ETV1: variants seen among roughly 807,000 people sequenced by gnomAD.
The protein encoded by ETV1 is ETS variant transcription factor 1, also known as ETS translocation variant 1.
ETV1 carries 27 observed loss-of-function variants against 62.3 expected under a neutral mutation model. The observed-to-expected ratio is 0.43, with a 90% CI of 0.32 to 0.60. The LOEUF is 0.60. ETV1 is among the 20% of genes least tolerant of loss of function. The pLI is 0.06. For synonymous variants in ETV1, 222 were observed against 199.6 expected, an observed-to-expected ratio of 1.11 and a Z score of -0.94; for missense variants, 605 against 605.8, an observed-to-expected ratio of 1.00 and a Z score of 0.01.
intron 6 of ETV1, among the ~76,000 whole-genome samples, chr7:13,943,791 T>C (rs114154583): frequency 0.01 from 1,583 of 152,336 alleles, 30 homozygotes; most frequent in African/African-American, 0.035. Flanking sequence ...GGTGGTTATA[T>C]GGATATATAC....
chr7:13,899,134 G>A (rs570887155), intron 13 of ETV1, among the ~76,000 whole-genome samples: 21 of 152,206 alleles, frequency 1.4e-4, no homozygotes, highest in African/African-American at 4.1e-4. Flanking sequence ...AATACTGCCC[G>A]GGGACACTGC....
chr7:13,919,037 G>T (rs62454579), intron 9 of ETV1, among the ~76,000 whole-genome samples: 8,169 of 152,104 alleles, frequency 0.054, 247 homozygotes, highest in South Asian at 0.11. Context: ...TAAAGGACTA[G>T]CAGTCTTTGA....
chr7:13,950,911 C>A (rs1156819877), intron 6 of ETV1, among the ~76,000 whole-genome samples: 1 of 137,054 alleles, frequency 7.3e-6, no homozygotes, highest in Non-Finnish European at 1.7e-5. Context: ...CACACACACA[C>A]ACACACACAC....
chr7:13,987,366 T>C (rs2128515215), intron 4 of ETV1, among the ~76,000 whole-genome samples: 1 of 152,248 alleles, frequency 6.6e-6, no homozygotes, highest in East Asian at 1.9e-4. Flanking sequence ...CAGAATTCAG[T>C]ATATCTAATT....
chr7:13,951,730 T>C (rs566608252), intron 6 of ETV1, among the ~76,000 whole-genome samples: 4 of 152,320 alleles, frequency 2.6e-5, no homozygotes, highest in South Asian at 4.1e-4. Flanking sequence ...AATATTGTAA[T>C]ATCAAAATTA....
intron 6 of ETV1, among the ~76,000 whole-genome samples, chr7:13,967,774 C>T (rs1393508837): frequency 6.6e-6 from 1 of 152,036 alleles, no homozygotes; most frequent in African/African-American, 2.4e-5. Flanking sequence ...TCCACATGTA[C>T]TAGTTTAGCT....
intron 9 of ETV1, among the ~76,000 whole-genome samples, chr7:13,924,250 G>A (rs910086914): frequency 7.2e-5 from 11 of 152,050 alleles, no homozygotes; most frequent in Admixed American, 1.3e-4. Flanking sequence ...AAGAAAGAGC[G>A]AGGTCCAATG....
At chr7:13,959,553 T>C (rs1789905727) in intron 6 of ETV1, among the ~76,000 whole-genome samples, 1 of 152,136 alleles carries the variant, frequency 6.6e-6, no homozygotes, top group African/African-American at 2.4e-5. Context: ...TCATATAATG[T>C]CTAAAATGGA....
chr7:13,959,866 G>C (rs2128481528), intron 6 of ETV1, among the ~76,000 whole-genome samples: 1 of 114,958 alleles, frequency 8.7e-6, no homozygotes, highest in South Asian at 3.1e-4. Flanking sequence ...CTGGGCAACA[G>C]AGTGAGATTC....
intron 5 of ETV1, among the ~76,000 whole-genome samples, chr7:13,983,042 A>C (rs2128508419): frequency 6.6e-6 from 1 of 151,972 alleles, no homozygotes; most frequent in South Asian, 2.1e-4. Context: ...AAAGGAAAAA[A>C]CCCTTATTCG....
In ETV1 at chr7:13,983,877, C is replaced by G. The variant is rs557925334; in HGVS notation, c.181+2761G>C. On this transcript the variant is annotated intron_variant, in intron 5 of 13. Coordinates refer to ENST00000430479, the MANE Select transcript of ETV1 (RefSeq NM_004956.5). Reference sequence around the variant, plus strand: ...ACTTTACTGAACTGAAAATACTGGTCCCATCCCAACCCTCAAACAGTCCTG... The same window carrying G: ...ACTTTACTGAACTGAAAATACTGGTGCCATCCCAACCCTCAAACAGTCCTG... Among the ~76,000 whole-genome samples the G allele has an allele frequency of 4.0e-5, 6 of 151,702 alleles. No individual in the cohort carries two copies. The South Asian group carries it at 1.2e-3, about 32-fold the overall frequency.
intron 13 of ETV1, among the ~76,000 whole-genome samples, chr7:13,898,740 A>G (rs1359679960): frequency 6.6e-6 from 1 of 152,242 alleles, no homozygotes; most frequent in Non-Finnish European, 1.5e-5. Context: ...TAAAATATAT[A>G]ATTCAACATC....
In ETV1 at chr7:13,978,807, A is replaced by G. The variant is rs193171308; in HGVS notation, c.182-1327T>C. Among the ~76,000 whole-genome samples the G allele has an allele frequency of 2.5e-3, 374 of 152,132 alleles. 4 individuals are homozygous for G. The highest frequency in any genetic ancestry group is 8.3e-3 in the African/African-American group (346 of 41,532). On this transcript the variant is annotated intron_variant, in intron 5 of 13. Coordinates refer to ENST00000430479, the MANE Select transcript of ETV1 (RefSeq NM_004956.5). Reference sequence around the variant, plus strand: ...TTCTTTAAAAACAGACATTTGGCTGAATAAAATTTACGTTATATTATGAAG... The same window carrying G: ...TTCTTTAAAAACAGACATTTGGCTGGATAAAATTTACGTTATATTATGAAG...
intron 9 of ETV1, among the ~76,000 whole-genome samples, chr7:13,925,258 G>A (rs1184922812): frequency 6.6e-6 from 1 of 152,004 alleles, no homozygotes; most frequent in African/African-American, 2.4e-5. Flanking sequence ...AGGTCTTCAG[G>A]GCTAAAAACA....
chr7:13,970,307 C>G lies in ETV1; in HGVS notation c.235+7120G>C, dbSNP rs943982088. Among the ~76,000 whole-genome samples the G allele has an allele frequency of 4.3e-3, 331 of 77,070 alleles. 2 individuals carry two copies. The highest frequency in any genetic ancestry group is 0.014 in the Middle Eastern group (2 of 140). 50.6% of individuals were successfully genotyped at this position (77,070 alleles called of 152,430 possible). ...ACACACACACACACACACACACACA[C>G]ACACACACACACACACACAAAGCAG... On this transcript the variant is annotated intron_variant, in intron 6 of 13. Coordinates refer to ENST00000430479, the MANE Select transcript of ETV1 (RefSeq NM_004956.5).
intron 6 of ETV1, among the ~76,000 whole-genome samples, chr7:13,940,425 T>TA (rs1291529281): frequency 6.6e-6 from 1 of 151,602 alleles, no homozygotes; most frequent in Non-Finnish European, 1.5e-5. Context: ...TTCTTCGATA[T>TA]GAAACTGAAG....
intron 6 of ETV1, among the ~76,000 whole-genome samples, chr7:13,968,919 C>T (rs1247948960): frequency 2.0e-5 from 3 of 152,058 alleles, no homozygotes; most frequent in African/African-American, 7.2e-5. Context: ...TGCAAGAGAG[C>T]CTACTTGCAA....
intron 9 of ETV1, among the ~76,000 whole-genome samples, chr7:13,914,570 G>C (rs1410435185): frequency 1.4e-5 from 2 of 144,956 alleles, no homozygotes; most frequent in African/African-American, 2.6e-5. Flanking sequence ...TTCACGTTTA[G>C]TAACATCAGT....
chr7:13,958,916 G>A (rs1365647246), intron 6 of ETV1: 1 of 152,000 alleles, frequency 6.6e-6, no homozygotes, highest in African/African-American at 2.4e-5. Context: ...GAGATATTGG[G>A]TGAATTATCT....
Sources: allele counts gnomAD v4.1 joint callset (sites outside exome capture counted in the v4.1 genomes callset), GRCh38; gene constraint gnomAD v4.1.1; transcripts MANE v1.5; gene names NCBI Gene and HGNC (gene_info 2026-07-23, HGNC 2026-07-21).